The following MAST4 variants were observed in gnomAD, a reference collection of about 807,000 sequenced individuals.
MAST4 encodes microtubule associated serine/threonine kinase family member 4, also known as microtubule-associated serine/threonine-protein kinase 4.
A neutral mutation model predicts 162.7 loss-of-function variants in MAST4; 89 were observed. The observed-to-expected ratio is 0.55, with a 90% CI of 0.46 to 0.65. The LOEUF (loss-of-function observed/expected upper bound fraction) is 0.65. Ranked by LOEUF, MAST4 falls within the 30% of genes least tolerant of loss-of-function variation. MAST4 has a pLI of 0.00. For synonymous variants in MAST4, 1,479 were observed against 1,361.1 expected (o/e 1.09, Z -1.91); for missense variants, 3,153 against 3,374.0 (o/e 0.93, Z 1.62).
intron 21 of MAST4, among the ~76,000 whole-genome samples, 181 bp from the exon 22 acceptor site, chr5:67,144,486 ACT>A (rs1770813861): frequency 6.7e-6 from 1 of 148,976 alleles, no homozygotes; most frequent in South Asian, 2.1e-4. Flanking sequence ...ACACACACAC[ACT>A]CACTCACCCT....
intron 3 of MAST4, among the ~76,000 whole-genome samples, chr5:66,823,468 C>G (rs1164352086): frequency 7.9e-5 from 12 of 152,166 alleles, no homozygotes; most frequent in Admixed American, 7.9e-4. Flanking sequence ...GTAATGTGAT[C>G]AACAAATGTT....
chr5:66,725,324 T>C (rs547149928), intron 1 of MAST4, among the ~76,000 whole-genome samples: 7 of 152,192 alleles, frequency 4.6e-5, no homozygotes, highest in Non-Finnish European at 1.0e-4. Context: ...TTTATCCTTC[T>C]CGTTACATTT....
chr5:66,748,393 T>C (rs796455357), intron 1 of MAST4, among the ~76,000 whole-genome samples: 11 of 29,596 alleles, frequency 3.7e-4, no homozygotes, highest in South Asian at 1.2e-3. Context: ...TCCTTCCTTC[T>C]TTCCTTCCTT....
At chr5:66,856,799 A>G (rs1034159651) in intron 3 of MAST4, among the ~76,000 whole-genome samples, 2 of 152,262 alleles carry the variant, frequency 1.3e-5, no homozygotes, top group African/African-American at 4.8e-5. Context: ...CTTGTTTTAA[A>G]TATTGACCTG....
chr5:67,056,102 A>G (rs531722101), intron 5 of MAST4, among the ~76,000 whole-genome samples: 81 of 151,208 alleles, frequency 5.4e-4, no homozygotes, highest in Non-Finnish European at 1.1e-3. Flanking sequence ...TTATAATATA[A>G]GAGCCTAAAG....
chr5:67,054,546 T>G, intron 5 of MAST4, 54 bp downstream of exon 5: 1 of 1,427,474 alleles, frequency 7.0e-7, no homozygotes, highest in Non-Finnish European at 9.5e-7. Flanking sequence ...TGTTGGTTTT[T>G]TAAAATAATT....
intron 3 of MAST4, among the ~76,000 whole-genome samples, chr5:66,872,517 TGTTTGAAAC>T (rs1301268292): frequency 6.6e-6 from 1 of 152,136 alleles, no homozygotes; most frequent in Admixed American, 6.5e-5. Flanking sequence ...TATGCTGAAG[TGTTTGAAAC>T]TAGACTACAG....
In MAST4 at chr5:66,788,727, C is replaced by T. The variant is rs1229980505; in HGVS notation, c.575C>T (p.Thr192Met). Residue 192 changes from threonine to methionine, a missense_variant, in exon 3 of 29, where the codon ACG (threonine) becomes ATG (methionine). By Grantham distance (81) the Thr-to-Met change is moderately conservative (BLOSUM62 -1). Around this residue, in one of 7 missense-constraint regions of MAST4, gnomAD observed 327 missense variants for 336.5 expected, o/e 0.97. Coordinates refer to ENST00000403625, the MANE Select transcript of MAST4 (RefSeq NM_001164664.2). ...AGQAWPASAE[T>M]SNLVRMRSQA... ...CAGGCCTGGCCGGCCTCTGCAGAGA[C>T]GTCCAACCTCGTGCGCATGCGCAGC... 10 of 1,613,296 alleles carry T rather than the reference C, an allele frequency of 6.2e-6. No homozygotes were observed. The highest frequency in any genetic ancestry group is 1.1e-5 in the South Asian group (1 of 91,040).
At chr5:66,673,523 G>GTTTTTTTTTTTTTTTTTT (rs1208217801) in intron 1 of MAST4, among the ~76,000 whole-genome samples, 15 of 131,330 alleles carry the variant, frequency 1.1e-4, no homozygotes, top group South Asian at 2.6e-4. Flanking sequence ...TTTGTTTTTT[G>GTTTTTTTTTTTTTTTTTT]TTTTTTGTTT....
chr5:66,875,021 C>A (rs1375091082), intron 3 of MAST4, among the ~76,000 whole-genome samples: 1 of 151,982 alleles, frequency 6.6e-6, no homozygotes, highest in Non-Finnish European at 1.5e-5. Flanking sequence ...TCTGTAGCAT[C>A]AAAAAAATAG....
chr5:66,716,849 A>C (rs1750872621), intron 1 of MAST4, among the ~76,000 whole-genome samples: 1 of 152,166 alleles, frequency 6.6e-6, no homozygotes, highest in Non-Finnish European at 1.5e-5. Context: ...ACCAGAACTG[A>C]TGTCACCTTT....
At chr5:66,616,454 C>T (rs1743691744) in intron 1 of MAST4, among the ~76,000 whole-genome samples, 1 of 152,212 alleles carries the variant, frequency 6.6e-6, no homozygotes, top group African/African-American at 2.4e-5. Context: ...GCAGAACTGT[C>T]TCAAATAAGA....
intron 1 of MAST4, among the ~76,000 whole-genome samples, chr5:66,660,053 G>A (rs1746803373): frequency 6.6e-6 from 1 of 152,044 alleles, no homozygotes; most frequent in Non-Finnish European, 1.5e-5. Context: ...AGGATGAGTA[G>A]GAGTTTGCTG....
At chr5:67,111,509 G>A (rs570987435) in intron 11 of MAST4, among the ~76,000 whole-genome samples, 42 of 152,082 alleles carry the variant, frequency 2.8e-4, no homozygotes, top group Non-Finnish European at 5.3e-4. Context: ...ACACCATTTG[G>A]CATTGAGTGT....
At chr5:67,068,912 G>T (rs543369786) in intron 5 of MAST4, among the ~76,000 whole-genome samples, 54 of 152,066 alleles carry the variant, frequency 3.6e-4, no homozygotes, top group African/African-American at 1.2e-3. Context: ...ACCCACCTGA[G>T]AAACACGTGG....
chr5:66,758,973 TTAAG>T (rs1322080337), intron 1 of MAST4, among the ~76,000 whole-genome samples: 1 of 152,234 alleles, frequency 6.6e-6, no homozygotes, highest in Non-Finnish European at 1.5e-5. Context: ...TATGGCTCTA[TTAAG>T]TATGAGAGGC....
rs1581763363 is a variant in MAST4, at chr5:67,160,417, A to G, written c.3649-39A>G. The G allele has an allele frequency of 1.2e-5, 19 of 1,581,806 alleles. No individual in the cohort carries two copies. In the East Asian group the frequency reaches 4.1e-4, roughly 34 times the overall value. On this transcript the variant is annotated intron_variant, in intron 26 of 28. Transcript: ENST00000403625. The stretch of plus-strand genomic sequence containing the variant: ...ATCTCTGTTCTGATCTTGCTTCATC[A>G]CAGCATTTCCCTTTAATGCCACCTC...
At chr5:66,604,230 C>G (rs1230647792) in intron 1 of MAST4, among the ~76,000 whole-genome samples, 1 of 152,146 alleles carries the variant, frequency 6.6e-6, no homozygotes, top group Non-Finnish European at 1.5e-5. Flanking sequence ...GAAAAGCAGT[C>G]ACTGCTTATT....
intron 3 of MAST4, among the ~76,000 whole-genome samples, chr5:66,827,155 A>G (rs990690868): frequency 6.6e-6 from 1 of 152,248 alleles, no homozygotes; most frequent in Non-Finnish European, 1.5e-5. Context: ...GATTTAAACA[A>G]AAAACGTAGT....
Sources: gnomAD v4.1 joint callset for allele counts (sites outside exome capture counted in the v4.1 genomes callset) on GRCh38, gnomAD v4.1.1 for gene constraint, gnomAD v4.1.1 regional missense constraint, MANE v1.5 for transcripts, NCBI Gene and HGNC (gene_info 2026-07-23, HGNC 2026-07-21) for gene names.